KHDC3L: variants seen among roughly 807,000 people sequenced by gnomAD.
KHDC3L encodes the protein KH domain-containing protein 3.
KHDC3L carries 6 observed loss-of-function variants against 11.4 expected under a neutral mutation model. The observed-to-expected ratio is 0.52, with a 90% CI of 0.29 to 1.03. KHDC3L has a LOEUF of 1.03. Among genes scored for constraint, KHDC3L ranks in the 50% least tolerant of loss-of-function variants. The probability of loss-of-function intolerance (pLI) is 0.09; values close to 1 mark genes in which losing one functional copy is unlikely to be tolerated. For missense variants in KHDC3L, 293 were observed against 290.4 expected (o/e 1.01, Z -0.07); for synonymous variants, 127 against 120.9 (o/e 1.05, Z -0.33).
At position 73,362,750 on chromosome 6, in the gene KHDC3L, T is replaced by G; in HGVS notation, c.21T>G (p.Phe7Leu). 6.2e-7 allele frequency: 1 copy of G among 1,614,126 alleles called. No individual in the cohort carries two copies. Among genetic ancestry groups the G allele is most frequent in the South Asian group, 1.1e-5 (1 of 91,086 alleles). ...GCAGCATGGACGCTCCCAGGCGGTT[T>G]CCGACGCTCGTGCAACTGATGCAGC... MDAPRRFPTLVQLMQPK... is the reference protein window; with the variant it reads MDAPRRLPTLVQLMQPK... The change falls in exon 1 of 3, where the codon TTT becomes TTG. Residue 7 changes from phenylalanine (F) to leucine (L), a missense_variant. Coordinates refer to ENST00000370367, the MANE Select transcript of KHDC3L (RefSeq NM_001017361.3).
intron 1 of KHDC3L, 57 bp downstream of exon 1, chr6:73,362,955 A>G (rs1768893140): frequency 6.2e-7 from 1 of 1,610,706 alleles, no homozygotes; most frequent in African/African-American, 1.3e-5. Context: ...ACCCATACCC[A>G]CAGCCCACAT....
chr6:73,363,993 A>G lies in KHDC3L; in HGVS notation c.*133A>G. On this transcript the variant is annotated 3_prime_UTR_variant, in exon 3 of 3. Coordinates refer to ENST00000370367, the MANE Select transcript of KHDC3L (RefSeq NM_001017361.3). ...CTTTCTGTTGCATGGTTGCAAACAC[A>G]AACTTGAGTTCTAATAAAGAATTGC... 2 of 956,930 alleles carry G rather than the reference A, an allele frequency of 2.1e-6. No individual in the cohort carries two copies. The highest frequency in any genetic ancestry group is 3.2e-6 in the Non-Finnish European group (2 of 623,714). The allele number at this position is 956,930 out of a possible 1,614,324, so 59.3% of individuals were successfully genotyped here. A position where few individuals can be genotyped will look rare whatever the true frequency, so the allele number is the denominator to read the frequency against.
chr6:73,362,972 G>A, intron 1 of KHDC3L, 74 bp downstream of exon 1: 1 of 1,608,436 alleles, frequency 6.2e-7, no homozygotes, highest in South Asian at 1.1e-5. Flanking sequence ...ACATATTCTG[G>A]CTGCGTTCCA....
Position 73,362,835 on chromosome 6 carries a change from T to C in KHDC3L, c.106T>C (p.Ser36Pro). The change falls in exon 1 of 3, where the codon TCT becomes CCT. Residue 36 changes from serine (S) to proline (P), a missense_variant. Physicochemically the swap from Ser to Pro is moderately conservative, Grantham distance 74. Coordinates refer to ENST00000370367, the MANE Select transcript of KHDC3L (RefSeq NM_001017361.3). Reference sequence around the variant, plus strand: ...CCCTAAGCGGTTCTCCTGGTTCCACTCTGAGTTCCTGAAGAATCCGAAGGT... The same window carrying C: ...CCCTAAGCGGTTCTCCTGGTTCCACCCTGAGTTCCTGAAGAATCCGAAGGT... ...HLPKRFSWFH[S>P]EFLKNPKVVR... The C allele has an allele frequency of 6.2e-7, 1 of 1,614,208 alleles. No individual in the cohort carries two copies. The highest frequency in any genetic ancestry group is 8.5e-7 in the Non-Finnish European group (1 of 1,180,032).
In KHDC3L at chr6:73,363,167, C is replaced by A. The variant is rs766956568; in HGVS notation, c.242C>A (p.Pro81His). 1 of 1,614,132 alleles carries A rather than the reference C, an allele frequency of 6.2e-7. No homozygotes were observed. Among genetic ancestry groups the A allele is most frequent in the Non-Finnish European group, 8.5e-7 (1 of 1,180,008 alleles). ...QILIHVNRLDPNGEAEILVFG... is the reference protein window; with the variant it reads ...QILIHVNRLDHNGEAEILVFG... ...TTGATTCACGTGAATCGATTGGACC[C>A]TAACGGCGAGGCTGAGATCTTGGTA... The change falls in exon 2 of 3, where the codon CCT (proline) becomes CAT (histidine). Residue 81 changes from proline (P) to histidine (H), a missense_variant. By Grantham distance (77) the Pro-to-His change is moderately conservative. Coordinates refer to ENST00000370367, the MANE Select transcript of KHDC3L (RefSeq NM_001017361.3).
intron 2 of KHDC3L, 105 bp from the exon 3 acceptor site, chr6:73,363,451 C>G: frequency 6.8e-7 from 1 of 1,463,628 alleles, no homozygotes; most frequent in South Asian, 1.2e-5. Context: ...AACCCTCGTT[C>G]TGGGATTTCT....
rs560452001 is a variant in KHDC3L, at chr6:73,362,912, G to A, written c.169+14G>A. On this transcript the variant is annotated intron_variant, in intron 1 of 2. Transcript: ENST00000370367. ...AAAAGATCTTCGGTGAGTGGACCAA[G>A]AAGGGGCAGCCCCCATGCGGCTTCT... 4.1e-4 allele frequency: 657 copies of A among 1,614,166 alleles called. 7 individuals are homozygous for A. In the South Asian group the frequency reaches 6.8e-3, roughly 17 times the overall value.
At position 73,362,803 on chromosome 6, in the gene KHDC3L, G is replaced by C; in HGVS notation, c.74G>C (p.Gly25Ala). The change falls in exon 1 of 3, where the codon GGT becomes GCT. Residue 25 changes from glycine to alanine, a missense_variant. Transcript: ENST00000370367. ...QPKAMPVEVL[G>A]HLPKRFSWFH... Reference sequence around the variant, plus strand: ...AAAGCAATGCCAGTGGAGGTGCTCGGTCACCTCCCTAAGCGGTTCTCCTGG... The same window carrying C: ...AAAGCAATGCCAGTGGAGGTGCTCGCTCACCTCCCTAAGCGGTTCTCCTGG... 6.2e-7 allele frequency: 1 copy of C among 1,614,024 alleles called. No homozygotes were observed. Among genetic ancestry groups the C allele is most frequent in the Non-Finnish European group, 8.5e-7 (1 of 1,179,872 alleles).
Position 73,363,524 on chromosome 6 carries a change from G to A in KHDC3L, c.350-32G>A, listed in dbSNP as rs745739746. ...TTTTTGGAGAGGATATAGAGACACA[G>A]CTGTGGCCTCTGCACACTGCTCTTC... On this transcript the variant is annotated intron_variant, in intron 2 of 2. Transcript: ENST00000370367. The A allele has an allele frequency of 1.5e-5, 24 of 1,597,214 alleles. No homozygotes were observed. In the Middle Eastern group the frequency reaches 2.5e-3, roughly 170 times the overall value.
At position 73,363,892 on chromosome 6, in the gene KHDC3L, C is replaced by G. The variant is rs1400379268; in HGVS notation, c.*32C>G. ...CTCAGGCCCTGGAGCCAGAGCCAGT[C>G]AGGGGTTAAAGTGAAAGCCCGTATT... On this transcript the variant is annotated 3_prime_UTR_variant, in exon 3 of 3. Coordinates refer to ENST00000370367, the MANE Select transcript of KHDC3L (RefSeq NM_001017361.3). 2 of 1,599,376 alleles carry G rather than the reference C, an allele frequency of 1.3e-6. No homozygotes were observed. The highest frequency in any genetic ancestry group is 2.2e-5 in the South Asian group (2 of 90,966).
Position 73,363,840 on chromosome 6 carries a change from G to A in KHDC3L, c.634G>A (p.Asp212Asn). ...VTQRFREDAR[D>N]PVTRL is the part of the protein sequence containing the mutation. The stretch of plus-strand genomic sequence containing the variant: ...CCAGCGGTTTCGCGAGGATGCCCGG[G>A]ACCCAGTTACTAGATTATGAAGGCA... Residue 212 changes from aspartate (D) to asparagine (N), a missense_variant, in exon 3 of 3, where the codon GAC (aspartate) becomes AAC (asparagine). Coordinates refer to ENST00000370367, the MANE Select transcript of KHDC3L (RefSeq NM_001017361.3). 6.2e-7 allele frequency: 1 copy of A among 1,610,052 alleles called. No individual in the cohort carries two copies. The highest frequency in any genetic ancestry group is 1.1e-5 in the South Asian group (1 of 91,068).
Position 73,363,922 on chromosome 6 carries a change from C to G in KHDC3L, c.*62C>G, listed in dbSNP as rs529101981. 2.6e-6 allele frequency: 4 copies of G among 1,549,186 alleles called. No individual in the cohort carries two copies. In the African/African-American group the frequency reaches 5.4e-5, roughly 21 times the overall value. ...GTTAAAGTGAAAGCCCGTATTTCCG[C>G]CCAGAAGCTGGGGTTGGGGAGAGGA... On this transcript the variant is annotated 3_prime_UTR_variant, in exon 3 of 3. Coordinates refer to ENST00000370367, the MANE Select transcript of KHDC3L (RefSeq NM_001017361.3).
chr6:73,364,048 C>G lies in KHDC3L; in HGVS notation c.*188C>G, dbSNP rs979383209. The G allele has an allele frequency of 3.5e-5, 23 of 658,640 alleles. No individual in the cohort carries two copies. The highest frequency in any genetic ancestry group is 4.1e-4 in the Middle Eastern group (1 of 2,418). 40.8% of individuals were successfully genotyped at this position (658,640 alleles called of 1,614,324 possible). On this transcript the variant is annotated 3_prime_UTR_variant, in exon 3 of 3. Transcript: ENST00000370367. ...TGGAAGCCCGCCCCCCGCCTCCCCC[C>G]CGCCTCACTTAAGTCCAGGAAGCTG... is the stretch of plus-strand genomic sequence containing the variant.
At position 73,363,158 on chromosome 6, in the gene KHDC3L, G is replaced by T. The variant is rs1284333865; in HGVS notation, c.233G>T (p.Arg78Leu). Residue 78 changes from arginine to leucine, a missense_variant, in exon 2 of 3, where the codon CGA becomes CTA. Arg to Leu is a moderately radical substitution (Grantham distance 102). Transcript: ENST00000370367. ...GMSQILIHVN[R>L]LDPNGEAEIL... ...TCCCAAATCTTGATTCACGTGAATC[G>T]ATTGGACCCTAACGGCGAGGCTGAG... The T allele has an allele frequency of 2.5e-6, 4 of 1,614,124 alleles. No homozygotes were observed. The highest frequency in any genetic ancestry group is 1.7e-5 in the Admixed American group (1 of 60,016).
chr6:73,363,115 C>T lies in KHDC3L; in HGVS notation c.190C>T (p.Pro64Ser), dbSNP rs757753553. ...CGCAGGCCGGGGCGGAGAACGCATC[C>T]CGCACGTCCAGGGTATGTCCCAAAT... is the stretch of plus-strand genomic sequence containing the variant. ...KIFGRGGERI[P>S]HVQGMSQILI... Residue 64 changes from proline to serine, a missense_variant, in exon 2 of 3, where the codon CCG (proline) becomes TCG (serine). Physicochemically the swap from Pro to Ser is moderately conservative, Grantham distance 74. Transcript: ENST00000370367. 4.3e-6 allele frequency: 7 copies of T among 1,614,146 alleles called. No homozygotes were observed. In the African/African-American group the frequency reaches 9.3e-5, roughly 22 times the overall value.
rs778196357 is a variant in KHDC3L at position 73,363,631 on chromosome 6, A to G, written c.425A>G (p.Glu142Gly). 5 of 1,613,038 alleles carry G rather than the reference A, an allele frequency of 3.1e-6. No homozygotes were observed. The South Asian group carries it at 5.5e-5, about 18-fold the overall frequency. The stretch of plus-strand genomic sequence containing the variant: ...CAGCGGTCTTCAATAGAAGTCCGGG[A>G]GGCCGGGACGCAGCGTTCGGTGGAG... Reference protein sequence around the residue: ...ETQRSSIEVREAGTQRSVEVR... With the variant: ...ETQRSSIEVRGAGTQRSVEVR... The change falls in exon 3 of 3, where the codon GAG (glutamate) becomes GGG (glycine). Residue 142 changes from glutamate (E) to glycine (G), a missense_variant. Transcript: ENST00000370367.
intron 1 of KHDC3L, 37 bp from the exon 2 acceptor site, chr6:73,363,058 C>G: frequency 6.2e-7 from 1 of 1,612,686 alleles, no homozygotes; most frequent in Non-Finnish European, 8.5e-7. Context: ...CCCCCGGGAG[C>G]CACCGGTCCC....
At position 73,363,660 on chromosome 6, in the gene KHDC3L, C is replaced by T. The variant is rs1768909745; in HGVS notation, c.454C>T (p.Arg152Trp). Residue 152 changes from arginine to tryptophan, a missense_variant, in exon 3 of 3, where the codon CGG (arginine) becomes TGG (tryptophan). Physicochemically the swap from Arg to Trp is moderately radical, Grantham distance 101. Coordinates refer to ENST00000370367, the MANE Select transcript of KHDC3L (RefSeq NM_001017361.3). The stretch of plus-strand genomic sequence containing the variant: ...CGGGACGCAGCGTTCGGTGGAGGTC[C>T]GGGAGGCCGGGACCCAGCGTTCGGT... ...EAGTQRSVEV[R>W]EAGTQRSVEV... 6.2e-7 allele frequency: 1 copy of T among 1,613,460 alleles called. No homozygotes were observed.
chr6:73,363,737 C>T lies in KHDC3L; in HGVS notation c.531C>T (p.Ala177=), dbSNP rs61746688. The T allele has an allele frequency of 1.9e-6, 3 of 1,613,680 alleles. No homozygotes were observed. The highest frequency in any genetic ancestry group is 1.6e-4 in the Middle Eastern group (1 of 6,062). Residue 177 remains alanine (A), a synonymous_variant, in exon 3 of 3, where the codon GCC becomes GCT. Coordinates refer to ENST00000370367, the MANE Select transcript of KHDC3L (RefSeq NM_001017361.3). ...GTTCTCCGGTGGAGGTGCAGGAGGC[C>T]GGGACCCAGCAGTCTCTCCAGGCTG... ...TQGSPVEVQE[A]GTQQSLQAAN...
Sources: gnomAD v4.1 joint callset for allele counts on GRCh38, gnomAD v4.1.1 for gene constraint, MANE v1.5 for transcripts, NCBI Gene and HGNC (gene_info 2026-07-23, HGNC 2026-07-21) for gene names.